The following RNF216 variants were observed in gnomAD, a reference collection of about 807,000 sequenced individuals.
RNF216 encodes ring finger protein 216, also known as E3 ubiquitin-protein ligase RNF216.
In RNF216, 72 loss-of-function variants were observed where a neutral mutation model predicts 110.8. That is an observed-to-expected ratio of 0.65 (90% confidence interval 0.54 to 0.79). The LOEUF is 0.79. Ranked by LOEUF, RNF216 falls within the 30% of genes least tolerant of loss-of-function variation. The pLI is 0.00. For missense variants in RNF216, 1,342 were observed against 1,141.2 expected (o/e 1.18, Z -2.54); for synonymous variants, 495 against 407.5 (o/e 1.21, Z -2.59).
At chr7:5,644,488 A>G (rs1001765395) in intron 14 of RNF216, among the ~76,000 whole-genome samples, 1 of 152,012 alleles carries the variant, frequency 6.6e-6, no homozygotes, top group African/African-American at 2.4e-5. Flanking sequence ...TTCTGGAGAA[A>G]TATCAATTGA....
chr7:5,642,298 C>T (rs890295423), intron 14 of RNF216, among the ~76,000 whole-genome samples: 1 of 151,706 alleles, frequency 6.6e-6, no homozygotes, highest in East Asian at 1.9e-4. Flanking sequence ...CTGCAACCTC[C>T]GCCTCCCCGG....
intron 13 of RNF216, among the ~76,000 whole-genome samples, chr7:5,710,887 A>C (rs1050142575): frequency 2.0e-5 from 3 of 152,262 alleles, no homozygotes; most frequent in African/African-American, 7.2e-5. Context: ...GCAAGATGCC[A>C]GCGACTGTTG....
rs184594945 is a variant in RNF216, at chr7:5,730,352, T to C, written c.1224+363A>G. 1.8e-3 allele frequency among the ~76,000 whole-genome samples: 273 copies of C among 152,310 alleles called. 1 individual carries two copies. Among genetic ancestry groups the C allele is most frequent in the Non-Finnish European group, 3.0e-3 (202 of 68,028 alleles). On this transcript the variant is annotated intron_variant, in intron 6 of 16. Transcript: ENST00000389902. ...AAATGATCAACGTAAAATATTTCAA[T>C]TTTTCTGTAGGTTTGAAAATTTTCA...
At chr7:5,658,579 C>T (rs1316943470) in intron 13 of RNF216, among the ~76,000 whole-genome samples, 1 of 149,952 alleles carries the variant, frequency 6.7e-6, no homozygotes, top group Non-Finnish European at 1.5e-5. Context: ...ATTTCTTGAG[C>T]CTGGGAGGTG....
chr7:5,704,541 C>T (rs143118654), intron 13 of RNF216, among the ~76,000 whole-genome samples: 1 of 152,370 alleles, frequency 6.6e-6, no homozygotes, highest in South Asian at 2.1e-4. Flanking sequence ...TGCTTTGGTA[C>T]TGAGCCCAAA....
intron 13 of RNF216, among the ~76,000 whole-genome samples, chr7:5,708,872 A>T (rs1446073578): frequency 1.3e-5 from 2 of 151,702 alleles, no homozygotes; most frequent in Non-Finnish European, 2.9e-5. Context: ...CACATGCTCT[A>T]CTCTTCCCCT....
At chr7:5,733,629 C>T (rs1476161217) in intron 5 of RNF216, among the ~76,000 whole-genome samples, 3 of 148,040 alleles carry the variant, frequency 2.0e-5, no homozygotes, top group South Asian at 2.1e-4. Context: ...ATGAACAAAC[C>T]TGTATTACAT....
chr7:5,649,794 T>C (rs1788276935), intron 14 of RNF216: 1 of 152,244 alleles, frequency 6.6e-6, no homozygotes, highest in Non-Finnish European at 1.5e-5. Flanking sequence ...CCTCAACAGA[T>C]GCTGACTAAA....
chr7:5,731,174 CTA>C (rs1367400000), intron 5 of RNF216, among the ~76,000 whole-genome samples: 2 of 152,194 alleles, frequency 1.3e-5, no homozygotes, highest in African/African-American at 2.4e-5. Context: ...GTCGAGAAAA[CTA>C]TGAACAAGTA....
At chr7:5,739,820 G>T (rs1170973509) in intron 4 of RNF216, among the ~76,000 whole-genome samples, 1 of 151,950 alleles carries the variant, frequency 6.6e-6, no homozygotes, top group East Asian at 1.9e-4. Context: ...GGCCAACATG[G>T]TGAAACCCCG....
intron 13 of RNF216, among the ~76,000 whole-genome samples, chr7:5,707,307 T>C (rs781631097): frequency 5.4e-4 from 83 of 152,366 alleles, no homozygotes; most frequent in Non-Finnish European, 5.7e-4. Context: ...CTTTAATTAT[T>C]TCAGCAGTTT....
At chr7:5,686,158 G>A (rs1790970127) in intron 13 of RNF216, among the ~76,000 whole-genome samples, 1 of 150,794 alleles carries the variant, frequency 6.6e-6, no homozygotes, top group Admixed American at 6.6e-5. Flanking sequence ...AGAAGGCAGA[G>A]GTTGCAGTGA....
At chr7:5,713,700 AGG>A (rs1181519303) in intron 11 of RNF216, among the ~76,000 whole-genome samples, 2 of 152,268 alleles carry the variant, frequency 1.3e-5, no homozygotes, top group African/African-American at 4.8e-5. Context: ...GTCAGACATG[AGG>A]AATGCTTCCC....
At chr7:5,642,629 CT>C (rs1787808062) in intron 14 of RNF216, among the ~76,000 whole-genome samples, 1 of 151,604 alleles carries the variant, frequency 6.6e-6, no homozygotes, top group Non-Finnish European at 1.5e-5. Flanking sequence ...CCACACCTGG[CT>C]TTCATGCCCG....
intron 8 of RNF216, among the ~76,000 whole-genome samples, chr7:5,721,586 T>C (rs1487857379): frequency 6.6e-6 from 1 of 152,252 alleles, no homozygotes; most frequent in African/African-American, 2.4e-5. Flanking sequence ...GGGATAGGCT[T>C]ACTTCCAGCT....
At chr7:5,715,289 T>C in intron 10 of RNF216, 99 bp from the exon 11 acceptor site, 1 of 1,299,030 alleles carries the variant, frequency 7.7e-7, no homozygotes, top group African/African-American at 1.5e-5. Context: ...CCACACAAAT[T>C]CTGAGGTAAA....
chr7:5,718,587 C>G lies in RNF216; in HGVS notation c.1645-1821G>C, dbSNP rs1351895527. ...TTTGAAACTGAGTCTTGCTTTGTTG[C>G]CCAGGCTGGAGTGCAGTGGCATGAT... is the stretch of plus-strand genomic sequence containing the variant. On this transcript the variant is annotated intron_variant, in intron 9 of 16. Transcript: ENST00000389902. Among the ~76,000 whole-genome samples the G allele has an allele frequency of 1.4e-4, 21 of 149,134 alleles. 1 individual carries two copies. The South Asian group carries it at 2.5e-3, about 18-fold the overall frequency.
intron 5 of RNF216, among the ~76,000 whole-genome samples, chr7:5,736,335 T>C (rs1252674873): frequency 1.3e-5 from 2 of 152,230 alleles, no homozygotes; most frequent in African/African-American, 4.8e-5. Context: ...TTGGCCGGGC[T>C]GGTCTCCAGC....
chr7:5,710,339 AAC>A (rs1338792460), intron 13 of RNF216, among the ~76,000 whole-genome samples: 1 of 152,004 alleles, frequency 6.6e-6, no homozygotes, highest in South Asian at 2.1e-4. Flanking sequence ...CAGCCTGGGC[AAC>A]AGAGTGAGAC....
Sources: gnomAD v4.1 joint callset for allele counts (sites outside exome capture counted in the v4.1 genomes callset) on GRCh38, gnomAD v4.1.1 for gene constraint, MANE v1.5 for transcripts, NCBI Gene and HGNC (gene_info 2026-07-23, HGNC 2026-07-21) for gene names.